Variants in SPG7 observed in about 807,000 individuals in gnomAD.
SPG7 encodes the protein SPG7 matrix AAA peptidase subunit, paraplegin.
A neutral mutation model predicts 81.9 loss-of-function variants in SPG7; 103 were observed. The ratio of observed to expected loss-of-function variants is 1.26; its 90% CI spans 1.07 to 1.48. The LOEUF (loss-of-function observed/expected upper bound fraction) is 1.48. Ranked by LOEUF, SPG7 falls within the 40% of genes most tolerant of loss-of-function variation. The pLI, the probability that SPG7 is intolerant of heterozygous loss-of-function variation, is 0.00. For synonymous variants in SPG7, 534 were observed against 444.2 expected (o/e 1.20, Z -2.54); for missense variants, 1,241 against 1,087.3 (o/e 1.14, Z -1.99).
chr16:89,542,539 C>G (rs1323637113), intron 9 of SPG7, among the ~76,000 whole-genome samples: 1 of 152,206 alleles, frequency 6.6e-6, no homozygotes, highest in South Asian at 2.1e-4. Context: ...CACATTCTGA[C>G]GTGTGGAACC....
chr16:89,523,703 C>T, intron 3 of SPG7: 1 of 506,442 alleles, frequency 2.0e-6, no homozygotes, highest in Non-Finnish European at 3.8e-6. Flanking sequence ...GCTGGGACCA[C>T]AGGCGTGCAC....
chr16:89,550,516 C>A lies in SPG7; in HGVS notation c.1686C>A (p.Ile562=). ...VLAGTAKKSK[I]LSKEEQKVVA... Reference sequence around the variant, plus strand: ...CAGGGACTGCCAAAAAGAGCAAGATCCTGTCCAAGGAAGAACAGAAAGTGG... The same window carrying A: ...CAGGGACTGCCAAAAAGAGCAAGATACTGTCCAAGGAAGAACAGAAAGTGG... The change falls in exon 13 of 17, where the codon ATC becomes ATA. Residue 562 remains isoleucine (I), a synonymous_variant. Coordinates refer to ENST00000645818, the MANE Select transcript of SPG7 (RefSeq NM_003119.4). The A allele has an allele frequency of 6.2e-7, 1 of 1,613,730 alleles. No homozygotes were observed. The highest frequency in any genetic ancestry group is 8.5e-7 in the Non-Finnish European group (1 of 1,179,858).
intron 4 of SPG7, among the ~76,000 whole-genome samples, chr16:89,525,827 G>A (rs763303734): frequency 3.3e-5 from 5 of 152,080 alleles, no homozygotes; most frequent in African/African-American, 9.7e-5. Context: ...CCTCAGTCCC[G>A]TGCTGCAGCC....
chr16:89,532,348 A>G (rs905760140), intron 8 of SPG7, 115 bp from the exon 9 acceptor site: 151 of 1,295,232 alleles, frequency 1.2e-4, no homozygotes, highest in Middle Eastern at 1.9e-4. Context: ...TTTGTAGGGA[A>G]TGGAGCTGGT....
chr16:89,553,143 G>C lies in SPG7; in HGVS notation c.1936+8G>C. ...TCAACGAGGTCACTTCTGGTGAGGA[G>C]CAGCGGCGCGGGCCCTGGAGGTTTC... is the stretch of plus-strand genomic sequence containing the variant. On this transcript the variant is annotated splice_region_variant and intron_variant, in intron 14 of 16. Coordinates refer to ENST00000645818, the MANE Select transcript of SPG7 (RefSeq NM_003119.4). The C allele has an allele frequency of 6.3e-7, 1 of 1,595,326 alleles. No homozygotes were observed. Among genetic ancestry groups the C allele is most frequent in the Non-Finnish European group, 8.5e-7 (1 of 1,171,036 alleles).
chr16:89,545,443 C>G (rs1281756547), intron 10 of SPG7: 1 of 186,218 alleles, frequency 5.4e-6, no homozygotes, highest in African/African-American at 2.4e-5. Context: ...CTCAGCGGCT[C>G]TCAGCCGGTG....
At chr16:89,532,308 G>A (rs964040749) in intron 8 of SPG7, among the ~76,000 whole-genome samples, 155 bp from the exon 9 acceptor site, 4 of 152,236 alleles carry the variant, frequency 2.6e-5, no homozygotes, top group Admixed American at 6.5e-5. Flanking sequence ...GGGTGGCCAG[G>A]GGCCCCCGCG....
chr16:89,541,459 T>C, intron 9 of SPG7: 1 of 474,312 alleles, frequency 2.1e-6, no homozygotes, highest in Non-Finnish European at 2.8e-6. Context: ...AGGGGAGGTC[T>C]CCAGGGAGGA....
intron 5 of SPG7, chr16:89,528,978 AT>A (rs2058305383): frequency 5.1e-6 from 1 of 194,880 alleles, no homozygotes; most frequent in Non-Finnish European, 1.1e-5. Context: ...TGTCCAGCTA[AT>A]TTTTGTATTT....
At chr16:89,526,536 T>G in intron 5 of SPG7, 68 bp downstream of exon 5, 1 of 1,587,382 alleles carries the variant, frequency 6.3e-7, no homozygotes, top group Non-Finnish European at 8.6e-7. Context: ...AGAAACAGAT[T>G]GCAATCAAAA....
In SPG7 at chr16:89,526,586, AGTGGGAGG is replaced by A. The variant is rs2058263305; in HGVS notation, c.758+121_758+128del. On this transcript the variant is annotated intron_variant, in intron 5 of 16. Coordinates refer to ENST00000645818, the MANE Select transcript of SPG7 (RefSeq NM_003119.4). The stretch of plus-strand genomic sequence containing the variant: ...TTGCCTATAGTTAACTAGACTTTTT[AGTGGGAGG>A]GTTAAATAAATATAGAAGTGAATGA... 3.2e-5 allele frequency: 33 copies of A among 1,046,824 alleles called. No individual in the cohort carries two copies. The South Asian group carries it at 4.2e-4, about 13-fold the overall frequency. 64.8% of individuals were successfully genotyped at this position (1,046,824 alleles called of 1,614,324 possible). A position where few individuals can be genotyped will look rare whatever the true frequency, so the allele number is the denominator to read the frequency against.
At position 89,544,946 on chromosome 16, in the gene SPG7, C is replaced by A. The variant is rs78718968; in HGVS notation, c.1449+174C>A. 4.1e-6 allele frequency: 3 copies of A among 739,500 alleles called. No individual in the cohort carries two copies. In the African/African-American group the frequency reaches 5.2e-5, roughly 13 times the overall value. The allele number at this position is 739,500 out of a possible 1,614,324, so 45.8% of individuals were successfully genotyped here. On this transcript the variant is annotated intron_variant, in intron 10 of 16. Transcript: ENST00000645818. ...GGCTGCACGCCCCCAGCAGACCTGC[C>A]CACCGGCTGCACTCACTGCTGTGGC...
chr16:89,529,538 C>A lies in SPG7; in HGVS notation c.820C>A (p.Leu274Met). ...GLAILWYVFR[L>M]AGMTGREGGF... ...GGCCATCCTGTGGTATGTTTTCCGT[C>A]TGGCCGGGATGACTGGAAGGGAAGG... Residue 274 changes from leucine to methionine, a missense_variant, in exon 6 of 17, where the codon CTG becomes ATG. Transcript: ENST00000645818. 6.2e-7 allele frequency: 1 copy of A among 1,614,076 alleles called. No individual in the cohort carries two copies. Among genetic ancestry groups the A allele is most frequent in the Non-Finnish European group, 8.5e-7 (1 of 1,179,930 alleles).
At chr16:89,551,110 C>G in intron 13 of SPG7, 1 of 211,342 alleles carries the variant, frequency 4.7e-6, no homozygotes, top group South Asian at 7.8e-5. Flanking sequence ...GCTGTGAACT[C>G]GATGGACATT....
chr16:89,554,828 G>T (rs1041070223), intron 16 of SPG7: 1 of 437,738 alleles, frequency 2.3e-6, no homozygotes, highest in African/African-American at 2.0e-5. Context: ...CCAATGTTTT[G>T]TCAGTTTTGT....
chr16:89,553,661 C>T, intron 14 of SPG7, 133 bp from the exon 15 acceptor site: 1 of 824,602 alleles, frequency 1.2e-6, no homozygotes, highest in Non-Finnish European at 2.0e-6. Flanking sequence ...CACTGTCCAG[C>T]TTCACGGTGG....
Position 89,557,162 on chromosome 16 carries a change from T to C in SPG7, c.*69T>C, listed in dbSNP as rs2152413253. The stretch of plus-strand genomic sequence containing the variant: ...GGCTCACTCAGCCACCCTGAGTTGC[T>C]TTTCAGCTGAGGTTTGCACTTCCTC... On this transcript the variant is annotated 3_prime_UTR_variant, in exon 17 of 17. Transcript: ENST00000645818. 1.6e-6 allele frequency: 2 copies of C among 1,246,768 alleles called. No homozygotes were observed. The highest frequency in any genetic ancestry group is 2.4e-5 in the East Asian group (1 of 41,932). 77.2% of individuals were successfully genotyped at this position (1,246,768 alleles called of 1,614,324 possible). A position where few individuals can be genotyped will look rare whatever the true frequency, so the allele number is the denominator to read the frequency against.
intron 12 of SPG7, chr16:89,550,075 G>C (rs1478481140): frequency 3.4e-6 from 1 of 291,036 alleles, no homozygotes; most frequent in African/African-American, 2.2e-5. Context: ...GCAGCTCCAA[G>C]AGGCAGATGT....
intron 3 of SPG7, chr16:89,523,770 C>T: frequency 1.5e-6 from 1 of 674,576 alleles, no homozygotes. Flanking sequence ...TAGGTGGGAA[C>T]CACTCCTGCT....
Sources: allele counts gnomAD v4.1 joint callset (sites outside exome capture counted in the v4.1 genomes callset), GRCh38; gene constraint gnomAD v4.1.1; transcripts MANE v1.5; gene names NCBI Gene and HGNC (gene_info 2026-07-23, HGNC 2026-07-21).